The following PRKD1 variants were observed in gnomAD, a reference collection of about 807,000 sequenced individuals.
PRKD1 encodes serine/threonine-protein kinase D1.
PRKD1 carries 63 observed loss-of-function variants against 95.9 expected under a neutral mutation model. That is an observed-to-expected ratio of 0.66 (90% confidence interval 0.54 to 0.81). The LOEUF is 0.81. Ranked by LOEUF, PRKD1 falls within the 30% of genes least tolerant of loss-of-function variation. The pLI is 0.00. For synonymous variants in PRKD1, 425 were observed against 423.1 expected, an observed-to-expected ratio of 1.00 and a Z score of -0.05; for missense variants, 1,048 against 1,165.3, an observed-to-expected ratio of 0.90 and a Z score of 1.47.
At chr14:29,873,164 C>A (rs1394287399) in intron 1 of PRKD1, among the ~76,000 whole-genome samples, 1 of 152,158 alleles carries the variant, frequency 6.6e-6, no homozygotes, top group Non-Finnish European at 1.5e-5. Flanking sequence ...CAGCTCACTG[C>A]AACCTCCACC....
chr14:29,840,317 A>T (rs1407359172), intron 1 of PRKD1, among the ~76,000 whole-genome samples: 1 of 152,174 alleles, frequency 6.6e-6, no homozygotes, highest in Non-Finnish European at 1.5e-5. Context: ...CCTTTGCTCC[A>T]GTTCCCAACA....
chr14:29,914,168 T>C (rs958654894), intron 1 of PRKD1, among the ~76,000 whole-genome samples: 1 of 152,210 alleles, frequency 6.6e-6, no homozygotes, highest in Non-Finnish European at 1.5e-5. Context: ...TTTGTAAAGT[T>C]TGAGGAAAGT....
chr14:29,754,617 A>T (rs1887616081), intron 1 of PRKD1, among the ~76,000 whole-genome samples: 1 of 152,086 alleles, frequency 6.6e-6, no homozygotes, highest in Admixed American at 6.6e-5. Flanking sequence ...ACTCTTTATC[A>T]TATATAAATT....
chr14:29,832,200 AC>A (rs1452676666), intron 1 of PRKD1, among the ~76,000 whole-genome samples: 1 of 152,002 alleles, frequency 6.6e-6, no homozygotes, highest in Non-Finnish European at 1.5e-5. Flanking sequence ...GATAGTTCCC[AC>A]CCCACCACCA....
intron 1 of PRKD1, among the ~76,000 whole-genome samples, chr14:29,912,315 A>C (rs1027157085): frequency 3.9e-5 from 6 of 152,230 alleles, no homozygotes; most frequent in South Asian, 2.1e-4. Flanking sequence ...TCAAAAAAAA[A>C]CAATTATTTA....
intron 1 of PRKD1, among the ~76,000 whole-genome samples, chr14:29,900,874 C>T (rs1028464898): frequency 6.6e-6 from 1 of 152,184 alleles, no homozygotes; most frequent in African/African-American, 2.4e-5. Flanking sequence ...AAAAGGAACG[C>T]TTATACACTG....
At chr14:29,914,272 G>A (rs1054638678) in intron 1 of PRKD1, among the ~76,000 whole-genome samples, 1 of 152,198 alleles carries the variant, frequency 6.6e-6, no homozygotes, top group Admixed American at 6.5e-5. Context: ...CAATTCAACC[G>A]CTGAAGTGGA....
intron 8 of PRKD1, 102 bp from the exon 9 acceptor site, chr14:29,633,048 G>T (rs78878720): frequency 9.2e-7 from 1 of 1,087,498 alleles, no homozygotes; most frequent in African/African-American, 1.6e-5. Context: ...CGATTTGAGG[G>T]TGGAAAGTGC....
At chr14:29,714,502 T>G (rs146829126) in intron 2 of PRKD1, among the ~76,000 whole-genome samples, 10,344 of 152,256 alleles carry the variant, frequency 0.068, 892 homozygotes, top group African/African-American at 0.2. Flanking sequence ...GCTTTTACAC[T>G]GTTGATGGGA....
chr14:29,668,452 T>C lies in PRKD1; in HGVS notation c.404-2244A>G, dbSNP rs45443206. Reference sequence around the variant, plus strand: ...AAACACAATAGGCCCCTTATACTGGTATTTGTGTCTCTTTTATTTGCTCTA... The same window carrying C: ...AAACACAATAGGCCCCTTATACTGGCATTTGTGTCTCTTTTATTTGCTCTA... On this transcript the variant is annotated intron_variant, in intron 2 of 17. Coordinates refer to ENST00000331968, the MANE Select transcript of PRKD1 (RefSeq NM_002742.3). Among the ~76,000 whole-genome samples, 640 of 152,278 alleles carry C rather than the reference T, an allele frequency of 4.2e-3. 11 individuals are homozygous for C. Among genetic ancestry groups the C allele is most frequent in the East Asian group, 0.014 (72 of 5,184 alleles).
At chr14:29,902,413 G>A (rs1030926392) in intron 1 of PRKD1, among the ~76,000 whole-genome samples, 1 of 152,140 alleles carries the variant, frequency 6.6e-6, no homozygotes, top group African/African-American at 2.4e-5. Context: ...TTCTAAAAGT[G>A]AGGTCCATAT....
chr14:29,784,624 C>T (rs939018199), intron 1 of PRKD1, among the ~76,000 whole-genome samples: 2 of 151,950 alleles, frequency 1.3e-5, no homozygotes, highest in African/African-American at 4.8e-5. Context: ...ATCTGAGAGA[C>T]CAAAATAAAT....
chr14:29,738,461 T>A (rs1886829901), intron 1 of PRKD1, among the ~76,000 whole-genome samples: 1 of 152,224 alleles, frequency 6.6e-6, no homozygotes, highest in Admixed American at 6.5e-5. Flanking sequence ...TCTCCTAGTG[T>A]CAACTTACAC....
intron 2 of PRKD1, among the ~76,000 whole-genome samples, chr14:29,702,451 C>A (rs1239673375): frequency 6.6e-6 from 1 of 151,962 alleles, no homozygotes; most frequent in Non-Finnish European, 1.5e-5. Context: ...ATATGAGGTA[C>A]TTGATACAGG....
intron 1 of PRKD1, among the ~76,000 whole-genome samples, chr14:29,916,014 TG>T (rs986968080): frequency 8.5e-5 from 13 of 152,314 alleles, no homozygotes; most frequent in African/African-American, 2.9e-4. Context: ...AGATACAGAT[TG>T]GCACACAAAG....
chr14:29,636,282 G>T lies in PRKD1; in HGVS notation c.1190+8C>A, dbSNP rs1488994352. On this transcript the variant is annotated splice_region_variant and intron_variant, in intron 7 of 17. Coordinates refer to ENST00000331968, the MANE Select transcript of PRKD1 (RefSeq NM_002742.3). The stretch of plus-strand genomic sequence containing the variant: ...CCTGTTGGCTGAGGCTGGGAGTGCT[G>T]CTCTCACCTGATGGTTCTGTTGGCG... 1 of 1,614,088 alleles carries T rather than the reference G, an allele frequency of 6.2e-7. No homozygotes were observed. Among genetic ancestry groups the T allele is most frequent in the Non-Finnish European group, 8.5e-7 (1 of 1,180,028 alleles).
intron 2 of PRKD1, among the ~76,000 whole-genome samples, chr14:29,705,489 C>T (rs920590717): frequency 5.3e-5 from 8 of 151,494 alleles, no homozygotes; most frequent in East Asian, 1.9e-4. Flanking sequence ...ATATAATTCA[C>T]ATCCTATACA....
At chr14:29,913,652 T>C (rs1364180625) in intron 1 of PRKD1, among the ~76,000 whole-genome samples, 2 of 152,222 alleles carry the variant, frequency 1.3e-5, no homozygotes, top group South Asian at 2.1e-4. Context: ...CTAGTTGACA[T>C]TCCACATTAG....
chr14:29,873,881 C>G (rs1893197660), intron 1 of PRKD1, among the ~76,000 whole-genome samples: 1 of 151,940 alleles, frequency 6.6e-6, no homozygotes, highest in Non-Finnish European at 1.5e-5. Flanking sequence ...CACAGCTGCA[C>G]TGGAATATGT....
Sources: gnomAD v4.1 joint callset for allele counts (sites outside exome capture counted in the v4.1 genomes callset) on GRCh38, gnomAD v4.1.1 for gene constraint, MANE v1.5 for transcripts, NCBI Gene and HGNC (gene_info 2026-07-23, HGNC 2026-07-21) for gene names.